COL28A1: variants seen among roughly 807,000 people sequenced by gnomAD.
COL28A1 encodes collagen alpha-1(XXVIII) chain.
A neutral mutation model predicts 150.2 loss-of-function variants in COL28A1; 161 were observed. The ratio of observed to expected loss-of-function variants is 1.07; its 90% CI spans 0.94 to 1.22. COL28A1 has a LOEUF of 1.22. Ranked by LOEUF, COL28A1 falls within the 50% of genes most tolerant of loss-of-function variation. COL28A1 has a pLI of 0.00. For missense variants in COL28A1, 1,617 were observed against 1,388.3 expected, an observed-to-expected ratio of 1.16 and a Z score of -2.62; for synonymous variants, 552 against 469.7, an observed-to-expected ratio of 1.18 and a Z score of -2.26.
chr7:7,425,949 T>C (rs1472630180), intron 25 of COL28A1, among the ~76,000 whole-genome samples: 2 of 152,158 alleles, frequency 1.3e-5, no homozygotes, highest in African/African-American at 2.4e-5. Context: ...ATTAGATTAT[T>C]TTCCTCCCCC....
chr7:7,356,578 C>A (rs1780366438), downstream of COL28A1: 1 of 151,754 alleles, frequency 6.6e-6, no homozygotes, highest in Non-Finnish European at 1.5e-5. Flanking sequence ...TCATTCTCAG[C>A]AAACTGTCAC....
Position 7,358,577 on chromosome 7 carries a change from A to C in COL28A1, c.*56T>G. On this transcript the variant is annotated 3_prime_UTR_variant, in exon 35 of 35. Transcript: ENST00000399429. ...ATAGTGCTGTATTTGTATTGGGTGA[A>C]TATGTGGAAATTAGGGAGTTCTATG... 2.0e-6 allele frequency: 3 copies of C among 1,499,108 alleles called. No individual in the cohort carries two copies. The highest frequency in any genetic ancestry group is 2.8e-6 in the Non-Finnish European group (3 of 1,083,060). The allele number at this position is 1,499,108 out of a possible 1,614,324, so 92.9% of individuals were successfully genotyped here. A position where few individuals can be genotyped will look rare whatever the true frequency, so the allele number is the denominator to read the frequency against.
At chr7:7,513,977 A>T (rs1335670028) in intron 8 of COL28A1, among the ~76,000 whole-genome samples, 5 of 152,208 alleles carry the variant, frequency 3.3e-5, no homozygotes, top group African/African-American at 1.2e-4. Context: ...CTATTTTCTG[A>T]TGCTGCTGCT....
At chr7:7,528,350 TA>T (rs1782146283) in intron 3 of COL28A1, among the ~76,000 whole-genome samples, 1 of 152,156 alleles carries the variant, frequency 6.6e-6, no homozygotes. Context: ...AAAATAGCAA[TA>T]AAAATATATT....
intron 27 of COL28A1, among the ~76,000 whole-genome samples, chr7:7,414,788 G>A (rs1783977588): frequency 6.6e-6 from 1 of 152,166 alleles, no homozygotes; most frequent in Admixed American, 6.5e-5. Context: ...CTGACTTCCA[G>A]TTGCTCCTAG....
At chr7:7,412,474 G>A (rs957590312) in intron 27 of COL28A1, among the ~76,000 whole-genome samples, 4 of 152,102 alleles carry the variant, frequency 2.6e-5, no homozygotes, top group African/African-American at 7.3e-5. Flanking sequence ...AATCACTTGA[G>A]TATTAGAATT....
At chr7:7,502,133 C>T (rs898216470) in intron 11 of COL28A1, among the ~76,000 whole-genome samples, 26 of 152,142 alleles carry the variant, frequency 1.7e-4, no homozygotes, top group African/African-American at 6.0e-4. Flanking sequence ...AACTCCTGAC[C>T]TCGTGATCCA....
chr7:7,487,160 AAAAC>A (rs1779670331), intron 13 of COL28A1, among the ~76,000 whole-genome samples: 1 of 152,152 alleles, frequency 6.6e-6, no homozygotes, highest in South Asian at 2.1e-4. Context: ...TATTTAAAAA[AAAAC>A]ATTTTAAGAA....
Position 7,464,089 on chromosome 7 carries a change from G to A in COL28A1, c.1303-7977C>T, listed in dbSNP as rs182507188. On this transcript the variant is annotated intron_variant, in intron 15 of 34. Coordinates refer to ENST00000399429, the MANE Select transcript of COL28A1 (RefSeq NM_001037763.3). ...GAAGGTCATTATATAATGATAAAAGGCCTTGTCCAACAGGAAAACATCACA... is the reference window on the plus strand; with the variant it reads ...GAAGGTCATTATATAATGATAAAAGACCTTGTCCAACAGGAAAACATCACA... 8.5e-5 allele frequency among the ~76,000 whole-genome samples: 13 copies of A among 152,136 alleles called. No homozygotes were observed. The East Asian group carries it at 2.3e-3, about 27-fold the overall frequency.
chr7:7,462,295 C>T (rs1267470627), intron 15 of COL28A1, among the ~76,000 whole-genome samples: 1 of 152,162 alleles, frequency 6.6e-6, no homozygotes, highest in Admixed American at 6.5e-5. Flanking sequence ...AGAAAACCAA[C>T]TCTGGTAATA....
chr7:7,377,670 T>C (rs970893039), intron 30 of COL28A1, among the ~76,000 whole-genome samples: 4 of 152,072 alleles, frequency 2.6e-5, no homozygotes, highest in African/African-American at 4.8e-5. Context: ...TTGTGTCATG[T>C]TGAAGAGTGT....
At chr7:7,382,172 T>C (rs990870268) in intron 27 of COL28A1, among the ~76,000 whole-genome samples, 1 of 152,070 alleles carries the variant, frequency 6.6e-6, no homozygotes, top group Non-Finnish European at 1.5e-5. Flanking sequence ...TAGCTGGGCA[T>C]GGTGGTGCGC....
chr7:7,516,222 T>G (rs1781407859), intron 7 of COL28A1, among the ~76,000 whole-genome samples: 1 of 152,246 alleles, frequency 6.6e-6, no homozygotes, highest in African/African-American at 2.4e-5. Flanking sequence ...CAGCTAAGAA[T>G]GTTTCATAGA....
intron 27 of COL28A1, among the ~76,000 whole-genome samples, chr7:7,403,632 G>C (rs1783337982): frequency 6.6e-6 from 1 of 152,106 alleles, no homozygotes; most frequent in African/African-American, 2.4e-5. Flanking sequence ...ACTAAACCTG[G>C]TAATGTGACT....
chr7:7,418,300 C>G (rs980008233), intron 26 of COL28A1, among the ~76,000 whole-genome samples: 4 of 152,200 alleles, frequency 2.6e-5, no homozygotes, highest in Non-Finnish European at 4.4e-5. Context: ...TCCACATAGC[C>G]TTAAGATGTT....
At chr7:7,427,395 C>T (rs981827795) in intron 25 of COL28A1, among the ~76,000 whole-genome samples, 1 of 152,206 alleles carries the variant, frequency 6.6e-6, no homozygotes, top group African/African-American at 2.4e-5. Context: ...TTTGGAATTA[C>T]ATGCCCTTAA....
At chr7:7,383,678 G>A (rs1278325361) in intron 27 of COL28A1, among the ~76,000 whole-genome samples, 12 of 57,096 alleles carry the variant, frequency 2.1e-4, no homozygotes, top group East Asian at 1.5e-3. Flanking sequence ...GTGTGTGTGT[G>A]TGTGTATATA....
At chr7:7,391,690 G>A (rs1486185019) in intron 27 of COL28A1, among the ~76,000 whole-genome samples, 1 of 151,936 alleles carries the variant, frequency 6.6e-6, no homozygotes, top group East Asian at 1.9e-4. Context: ...ATTTAGGTTA[G>A]CTCTTCATGT....
At chr7:7,497,094 A>AAAGGAAGGAAGGAAGGAAGG (rs141012538) in intron 11 of COL28A1, among the ~76,000 whole-genome samples, 60 of 123,848 alleles carry the variant, frequency 4.8e-4, no homozygotes, top group Admixed American at 9.1e-4. Flanking sequence ...AGGAAGGAAG[A>AAAGGAAGGAAGGAAGGAAGG]AAGGAAGGAA....
Sources: gnomAD v4.1 joint callset for allele counts (sites outside exome capture counted in the v4.1 genomes callset) on GRCh38, gnomAD v4.1.1 for gene constraint, MANE v1.5 for transcripts, NCBI Gene and HGNC (gene_info 2026-07-23, HGNC 2026-07-21) for gene names.